Variants in ABI1 observed in about 807,000 individuals in gnomAD.
ABI1 encodes abl interactor 1, also known as Abelson interactor 1.
In ABI1, 14 loss-of-function variants were observed where a neutral mutation model predicts 54.6. The observed-to-expected ratio is 0.26, with a 90% CI of 0.17 to 0.40. The LOEUF (loss-of-function observed/expected upper bound fraction) is 0.40, where lower values mean the gene tolerates loss of function less well. Ranked by LOEUF, ABI1 falls within the 10% of genes least tolerant of loss-of-function variation. The probability of loss-of-function intolerance (pLI) is 1.00; values close to 1 mark genes in which losing one functional copy is unlikely to be tolerated. For synonymous variants in ABI1, 194 were observed against 209.3 expected (o/e 0.93, Z 0.63); for missense variants, 443 against 598.3 (o/e 0.74, Z 2.71).
chr10:26,753,549 T>A (rs559288666), intron 9 of ABI1, among the ~76,000 whole-genome samples: 3 of 152,180 alleles, frequency 2.0e-5, no homozygotes, highest in Non-Finnish European at 4.4e-5. Context: ...ATTCTCTGCA[T>A]AATCATAAAG....
At chr10:26,779,050 G>A (rs1459295642) in intron 2 of ABI1, among the ~76,000 whole-genome samples, 1 of 152,098 alleles carries the variant, frequency 6.6e-6, no homozygotes, top group Non-Finnish European at 1.5e-5. Context: ...TCTTCCAACA[G>A]AACCCATGAA....
At chr10:26,769,088 C>A in intron 5 of ABI1, 96 bp from the exon 6 acceptor site, 1 of 918,680 alleles carries the variant, frequency 1.1e-6, no homozygotes, top group Non-Finnish European at 1.5e-6. Context: ...ACCATGTATA[C>A]CAGGATTTAA....
At chr10:26,858,010 T>C (rs1178636170) in intron 1 of ABI1, among the ~76,000 whole-genome samples, 13 of 150,800 alleles carry the variant, frequency 8.6e-5, no homozygotes, top group Admixed American at 8.6e-4. Flanking sequence ...GCCAAAAGAG[T>C]TTCTCAGCTA....
rs2051200545 is a variant in ABI1 at position 26,860,339 on chromosome 10, C to T, written c.117+408G>A. Among the ~76,000 whole-genome samples, 1 of 152,128 alleles carries T rather than the reference C, an allele frequency of 6.6e-6. No individual in the cohort carries two copies. The highest frequency in any genetic ancestry group is 1.5e-5 in the Non-Finnish European group (1 of 68,024). On this transcript the variant is annotated intron_variant, in intron 1 of 10. Coordinates refer to ENST00000376140, the MANE Select transcript of ABI1 (RefSeq NM_001012750.3). The surrounding 1 kb of genome is among the most constrained non-coding windows in gnomAD (Gnocchi z 4.1). ...CTCTCCCGTCCTGGACCTCCTCTCC[C>T]GGCGCAGAGAGGCGGCGCGGCGGCA...
chr10:26,814,569 T>G lies in ABI1; in HGVS notation c.285+8569A>C, dbSNP rs76590971. Among the ~76,000 whole-genome samples the G allele has an allele frequency of 4.6e-5, 7 of 152,312 alleles. No homozygotes were observed. In the South Asian group the frequency reaches 1.4e-3, roughly 32 times the overall value. On this transcript the variant is annotated intron_variant, in intron 2 of 10. Transcript: ENST00000376140. ...TACTTCCTATATTTTCCAGGAAAAG[T>G]GACTGGCACCTTTAGATGACTACTG...
chr10:26,837,419 G>T lies in ABI1; in HGVS notation c.118-14114C>A, dbSNP rs1026369999. Among the ~76,000 whole-genome samples the T allele has an allele frequency of 4.1e-5, 6 of 146,076 alleles. No homozygotes were observed. In the East Asian group the frequency reaches 1.2e-3, roughly 29 times the overall value. ...TTTAACCATATTCACCTCCTTAAAG[G>T]CCCTAGCTCCAACACAGTCACATGG... On this transcript the variant is annotated intron_variant, in intron 1 of 10. Coordinates refer to ENST00000376140, the MANE Select transcript of ABI1 (RefSeq NM_001012750.3).
chr10:26,786,886 T>C (rs1199467563), intron 2 of ABI1, among the ~76,000 whole-genome samples: 1 of 152,234 alleles, frequency 6.6e-6, no homozygotes, highest in Non-Finnish European at 1.5e-5. Context: ...GGTTCGTGTA[T>C]AAAACTGACA....
Position 26,804,171 on chromosome 10 carries a change from T to C in ABI1, c.285+18967A>G, listed in dbSNP as rs77216566. Among the ~76,000 whole-genome samples the C allele has an allele frequency of 1.6e-3, 244 of 152,040 alleles. 2 individuals are homozygous for C. The East Asian group carries it at 0.038, about 24-fold the overall frequency. ...GCTGAGGCAAGCAGATCACCTGGGG[T>C]CAGGACTTTGAGACCAGCTTGGCCA... On this transcript the variant is annotated intron_variant, in intron 2 of 10. Coordinates refer to ENST00000376140, the MANE Select transcript of ABI1 (RefSeq NM_001012750.3).
intron 10 of ABI1, among the ~76,000 whole-genome samples, chr10:26,749,464 T>G (rs1837339888): frequency 6.6e-6 from 1 of 152,234 alleles, no homozygotes; most frequent in Non-Finnish European, 1.5e-5. Context: ...AAACTCATTT[T>G]TGTTTCACAT....
chr10:26,810,897 A>G (rs2047189171), intron 2 of ABI1, among the ~76,000 whole-genome samples: 1 of 152,130 alleles, frequency 6.6e-6, no homozygotes, highest in Admixed American at 6.5e-5. Flanking sequence ...AGGAAGGAAA[A>G]AAGTAAGGGG....
intron 2 of ABI1, among the ~76,000 whole-genome samples, chr10:26,795,487 A>G (rs1427992909): frequency 5.9e-5 from 9 of 152,194 alleles, no homozygotes; most frequent in Non-Finnish European, 1.3e-4. Context: ...CATGTTCCTA[A>G]ATACAGAAAA....
At chr10:26,835,710 T>C (rs1419194352) in intron 1 of ABI1, among the ~76,000 whole-genome samples, 1 of 152,118 alleles carries the variant, frequency 6.6e-6, no homozygotes, top group Admixed American at 6.5e-5. Flanking sequence ...ATTTTTAATA[T>C]TCTATTTTTC....
chr10:26,802,751 G>A (rs2046643822), intron 2 of ABI1, among the ~76,000 whole-genome samples: 1 of 152,132 alleles, frequency 6.6e-6, no homozygotes, highest in Non-Finnish European at 1.5e-5. Context: ...ACCTGGAGGA[G>A]GCAGTACCTG....
At chr10:26,846,141 CAA>C (rs76596179) in intron 1 of ABI1, among the ~76,000 whole-genome samples, 9 of 122,638 alleles carry the variant, frequency 7.3e-5, no homozygotes, top group Non-Finnish European at 7.1e-5. Flanking sequence ...GACTCCGTCT[CAA>C]AAAAAAAAAA....
intron 1 of ABI1, among the ~76,000 whole-genome samples, chr10:26,847,616 C>T (rs150326635): frequency 0.012 from 1,883 of 151,342 alleles, 19 homozygotes; most frequent in Middle Eastern, 0.048. Context: ...AGAGAGAGAC[C>T]CTGTCTTTAA....
At chr10:26,831,953 T>C (rs1178556112) in intron 1 of ABI1, among the ~76,000 whole-genome samples, 2 of 152,206 alleles carry the variant, frequency 1.3e-5, no homozygotes, top group Non-Finnish European at 2.9e-5. Flanking sequence ...CTGATGAAGC[T>C]AATTTATTGA....
At chr10:26,832,959 T>C (rs1476780092) in intron 1 of ABI1, among the ~76,000 whole-genome samples, 1 of 152,254 alleles carries the variant, frequency 6.6e-6, no homozygotes, top group African/African-American at 2.4e-5. Context: ...GCAGAACGCC[T>C]ATTCCAATAA....
chr10:26,823,965 A>G (rs2048148083), intron 1 of ABI1, among the ~76,000 whole-genome samples: 1 of 148,998 alleles, frequency 6.7e-6, no homozygotes, highest in African/African-American at 2.5e-5. Context: ...TAATCTAAAA[A>G]TGAAAAAAAA....
intron 3 of ABI1, 29 bp downstream of exon 3, chr10:26,777,036 A>G (rs1841493999): frequency 1.3e-6 from 2 of 1,517,938 alleles, no homozygotes; most frequent in Non-Finnish European, 1.8e-6. Context: ...TATGCAAATT[A>G]GCTTGTTAAT....
Sources: allele counts gnomAD v4.1 joint callset (sites outside exome capture counted in the v4.1 genomes callset), GRCh38; gene constraint gnomAD v4.1.1; non-coding constraint Gnocchi (gnomAD v3.1); transcripts MANE v1.5; gene names NCBI Gene and HGNC (gene_info 2026-07-23, HGNC 2026-07-21).